ULK4: variants seen among roughly 807,000 people sequenced by gnomAD.
ULK4 encodes inactive serine/threonine-protein kinase ULK4.
In ULK4, 133 loss-of-function variants were observed where a neutral mutation model predicts 160.6. The observed-to-expected ratio is 0.83, with a 90% CI of 0.72 to 0.96. The LOEUF is 0.96. Among genes scored for constraint, ULK4 ranks in the 40% least tolerant of loss-of-function variants. The pLI is 0.00. For missense variants in ULK4, 1,580 were observed against 1,499.5 expected, an observed-to-expected ratio of 1.05 and a Z score of -0.89; for synonymous variants, 534 against 539.8, an observed-to-expected ratio of 0.99 and a Z score of 0.15.
chr3:41,394,670 C>A (rs2082020471), intron 35 of ULK4, among the ~76,000 whole-genome samples: 1 of 152,086 alleles, frequency 6.6e-6, no homozygotes, highest in South Asian at 2.1e-4. Flanking sequence ...GTTGAGAAAT[C>A]CGAATTTGAA....
At chr3:41,887,976 A>G (rs1697785966) in intron 16 of ULK4, among the ~76,000 whole-genome samples, 1 of 152,100 alleles carries the variant, frequency 6.6e-6, no homozygotes, top group Non-Finnish European at 1.5e-5. Context: ...CAGCCTGGCT[A>G]ATAAAGTGAG....
chr3:41,370,554 G>A (rs996716425), intron 35 of ULK4, among the ~76,000 whole-genome samples: 34 of 152,292 alleles, frequency 2.2e-4, no homozygotes, highest in African/African-American at 8.2e-4. Context: ...GAAGGGCAAG[G>A]GGTTGGGGAA....
At chr3:41,662,456 T>C (rs1456084159) in intron 30 of ULK4, among the ~76,000 whole-genome samples, 1 of 152,116 alleles carries the variant, frequency 6.6e-6, no homozygotes, top group Non-Finnish European at 1.5e-5. Flanking sequence ...TCACGGCAAA[T>C]CTATGTGCCC....
At chr3:41,823,820 C>T (rs1169716016) in intron 18 of ULK4, among the ~76,000 whole-genome samples, 1 of 152,116 alleles carries the variant, frequency 6.6e-6, no homozygotes, top group East Asian at 1.9e-4. Context: ...AATGTCATGG[C>T]CACATTATCA....
At chr3:41,597,244 C>A (rs1483098335) in intron 31 of ULK4, among the ~76,000 whole-genome samples, 1 of 152,190 alleles carries the variant, frequency 6.6e-6, no homozygotes, top group Admixed American at 6.5e-5. Flanking sequence ...CTAACTCTTA[C>A]TTGCTCTCTC....
intron 21 of ULK4, among the ~76,000 whole-genome samples, chr3:41,761,415 T>C (rs1449956145): frequency 6.7e-6 from 1 of 149,462 alleles, no homozygotes; most frequent in Non-Finnish European, 1.5e-5. Context: ...ATATTATATA[T>C]TATCTACCAT....
chr3:41,249,843 A>T (rs938125764), intron 35 of ULK4, among the ~76,000 whole-genome samples: 25 of 152,172 alleles, frequency 1.6e-4, no homozygotes, highest in African/African-American at 5.5e-4. Flanking sequence ...CAGGGCAGGG[A>T]GCCTCCTGCG....
At chr3:41,251,136 GT>G (rs1322021403) in intron 35 of ULK4, 1 of 152,158 alleles carries the variant, frequency 6.6e-6, no homozygotes, top group Non-Finnish European at 1.5e-5. Flanking sequence ...TGGTTAGAAG[GT>G]GCAAATAGAA....
chr3:41,838,317 T>A lies in ULK4; in HGVS notation c.1657-2346A>T, dbSNP rs77212983. The stretch of plus-strand genomic sequence containing the variant: ...ATTGTAAAAATGTCTGATTGGGTTC[T>A]AAAGACATTTAGAGAATACATTCAA... On this transcript the variant is annotated intron_variant, in intron 17 of 36. Coordinates refer to ENST00000301831, the MANE Select transcript of ULK4 (RefSeq NM_017886.4). Among the ~76,000 whole-genome samples, 9 of 152,300 alleles carry A rather than the reference T, an allele frequency of 5.9e-5. No homozygotes were observed. The East Asian group carries it at 1.7e-3, about 29-fold the overall frequency.
intron 35 of ULK4, among the ~76,000 whole-genome samples, chr3:41,337,063 T>G (rs1162540042): frequency 6.6e-6 from 1 of 152,196 alleles, no homozygotes; most frequent in Non-Finnish European, 1.5e-5. Context: ...CTCCATTTTC[T>G]AGATGGGGAA....
chr3:41,388,189 T>C (rs1305708965), intron 35 of ULK4, among the ~76,000 whole-genome samples: 1 of 152,202 alleles, frequency 6.6e-6, no homozygotes. Flanking sequence ...GAAGTGTCTG[T>C]TCATATCCTT....
intron 34 of ULK4, among the ~76,000 whole-genome samples, chr3:41,428,908 G>T (rs1326856106): frequency 6.6e-6 from 1 of 151,994 alleles, no homozygotes; most frequent in African/African-American, 2.4e-5. Flanking sequence ...TTGACAAATG[G>T]GACCTAATTA....
intron 14 of ULK4, 80 bp downstream of exon 14, chr3:41,898,352 T>C (rs1450646922): frequency 6.8e-6 from 6 of 883,638 alleles, no homozygotes; most frequent in Non-Finnish European, 8.8e-6. Flanking sequence ...TATTCACATA[T>C]ATTCTATTTG....
intron 31 of ULK4, among the ~76,000 whole-genome samples, chr3:41,581,881 A>C (rs2030375302): frequency 6.6e-6 from 1 of 152,238 alleles, no homozygotes; most frequent in Non-Finnish European, 1.5e-5. Context: ...AGAGGAGCAA[A>C]GACTGTGGCT....
At chr3:41,618,320 C>T (rs1428474201) in intron 30 of ULK4, among the ~76,000 whole-genome samples, 2 of 152,014 alleles carry the variant, frequency 1.3e-5, no homozygotes, top group South Asian at 2.1e-4. Context: ...GAAACATAAT[C>T]GTCAGATTCT....
chr3:41,534,053 G>A (rs1252853330), intron 32 of ULK4, among the ~76,000 whole-genome samples: 4 of 152,142 alleles, frequency 2.6e-5, no homozygotes, highest in Non-Finnish European at 5.9e-5. Context: ...TGATCCAACC[G>A]CCTCGGCCTC....
intron 35 of ULK4, among the ~76,000 whole-genome samples, chr3:41,334,086 A>G (rs948530399): frequency 1.3e-5 from 2 of 152,154 alleles, no homozygotes; most frequent in African/African-American, 4.8e-5. Context: ...ACACACCGGC[A>G]AAACTGAAGG....
chr3:41,325,125 T>C (rs1418322300), intron 35 of ULK4, among the ~76,000 whole-genome samples: 4 of 152,176 alleles, frequency 2.6e-5, no homozygotes, highest in Non-Finnish European at 5.9e-5. Context: ...TTAAATGATA[T>C]GTTTTTCATT....
intron 31 of ULK4, among the ~76,000 whole-genome samples, chr3:41,582,487 T>C (rs567043459): frequency 6.6e-6 from 1 of 152,310 alleles, no homozygotes; most frequent in East Asian, 1.9e-4. Flanking sequence ...TATGTCTGCA[T>C]AGAGCAAGCA....
Sources: gnomAD v4.1 joint callset for allele counts (sites outside exome capture counted in the v4.1 genomes callset) on GRCh38, gnomAD v4.1.1 for gene constraint, MANE v1.5 for transcripts, NCBI Gene and HGNC (gene_info 2026-07-23, HGNC 2026-07-21) for gene names.